PRIM2: variants seen among roughly 807,000 people sequenced by gnomAD.
PRIM2 encodes the protein DNA primase subunit 2, also known as DNA primase large subunit.
A neutral mutation model predicts 67.3 loss-of-function variants in PRIM2; 39 were observed. That is an observed-to-expected ratio of 0.58 (90% CI 0.45 to 0.76). The LOEUF is 0.76. PRIM2 is among the 30% of genes least tolerant of loss of function. The pLI, the probability that PRIM2 is intolerant of heterozygous loss-of-function variation, is 0.00. For missense variants in PRIM2, 398 were observed against 598.7 expected (o/e 0.66, Z 3.50); for synonymous variants, 143 against 198.7 (o/e 0.72, Z 2.36).
At chr6:57,322,918 C>T (rs112851694) in intron 3 of PRIM2, among the ~76,000 whole-genome samples, 64 of 152,242 alleles carry the variant, frequency 4.2e-4, no homozygotes, top group African/African-American at 1.5e-3. Context: ...CTGGTGAAGA[C>T]TGACGATTTT....
chr6:57,486,690 C>T (rs1183980608), intron 7 of PRIM2, among the ~76,000 whole-genome samples: 4 of 152,208 alleles, frequency 2.6e-5, no homozygotes, highest in African/African-American at 7.2e-5. Flanking sequence ...CTCAGCCAGT[C>T]ATATTTCGCA....
intron 7 of PRIM2, among the ~76,000 whole-genome samples, chr6:57,416,671 A>T (rs1771273795): frequency 6.6e-6 from 1 of 152,210 alleles, no homozygotes; most frequent in Non-Finnish European, 1.5e-5. Flanking sequence ...CAGCTTTTTC[A>T]TGATCTTAGC....
rs1266326081 is a variant in PRIM2, at chr6:57,635,880, T to G, written c.1299+3679T>G. On this transcript the variant is annotated intron_variant, in intron 13 of 13. Coordinates refer to ENST00000615550, the MANE Select transcript of PRIM2 (RefSeq NM_000947.5). ...ACAGCTGCTGGAGTGACCTTTAAAA[T>G]AGAGGAATCTGATCATTTCAGGAAC... 9.8e-5 allele frequency among the ~76,000 whole-genome samples: 15 copies of G among 152,326 alleles called. 1 individual carries two copies. Among genetic ancestry groups the G allele is most frequent in the Admixed American group, 5.9e-4 (9 of 15,298 alleles).
At chr6:57,407,718 T>G (rs1303995064) in intron 7 of PRIM2, among the ~76,000 whole-genome samples, 3 of 152,242 alleles carry the variant, frequency 2.0e-5, no homozygotes, top group Non-Finnish European at 4.4e-5. Context: ...TTCAATTTCA[T>G]GTGGCATTAA....
At chr6:57,240,096 T>TTTTTTTTG in the PRIM2 span, among the ~76,000 whole-genome samples, 3 of 8,386 alleles carry the variant, frequency 3.6e-4, no homozygotes, top group African/African-American at 7.0e-4. Context: ...AATCTGTTTT[T>TTTTTTTTG]TTTTTTTTTT....
chr6:57,362,222 C>T (rs1038750678), intron 5 of PRIM2, among the ~76,000 whole-genome samples: 10 of 152,112 alleles, frequency 6.6e-5, no homozygotes, highest in African/African-American at 2.4e-4. Flanking sequence ...AAAAAAATAG[C>T]TGGTATTCTA....
At chr6:57,636,715 T>TA (rs1242051109) in intron 13 of PRIM2, among the ~76,000 whole-genome samples, 33 of 152,030 alleles carry the variant, frequency 2.2e-4, no homozygotes, top group Middle Eastern at 3.4e-3. Context: ...TAGTGGTTAA[T>TA]AAAAAAAGAT....
the PRIM2 span, among the ~76,000 whole-genome samples, chr6:57,236,912 A>G: frequency 6.6e-6 from 1 of 152,072 alleles, no homozygotes; most frequent in Non-Finnish European, 1.5e-5. Context: ...ATGATTTATA[A>G]TCCTTTGGGT....
At chr6:57,324,626 A>C (rs1341949801) in intron 4 of PRIM2, among the ~76,000 whole-genome samples, 1 of 152,212 alleles carries the variant, frequency 6.6e-6, no homozygotes, top group Non-Finnish European at 1.5e-5. Context: ...CAATTAATGA[A>C]ACCCACACTT....
At chr6:57,344,608 TCAAATTA>T (rs1768608489) in intron 5 of PRIM2, among the ~76,000 whole-genome samples, 1 of 152,246 alleles carries the variant, frequency 6.6e-6, no homozygotes, top group African/African-American at 2.4e-5. Flanking sequence ...GTTTTTGGCA[TCAAATTA>T]TTATGGAAGC....
chr6:57,490,520 C>T (rs1275770937), intron 7 of PRIM2, among the ~76,000 whole-genome samples: 5 of 152,022 alleles, frequency 3.3e-5, no homozygotes, highest in South Asian at 2.1e-4. Flanking sequence ...GCAGAATTAT[C>T]GAACCGAGGG....
chr6:57,416,018 C>T (rs1285840916), intron 7 of PRIM2, among the ~76,000 whole-genome samples: 5 of 152,128 alleles, frequency 3.3e-5, no homozygotes, highest in Admixed American at 1.3e-4. Context: ...TTTCCTCTCC[C>T]GTGAATCACA....
the PRIM2 span, among the ~76,000 whole-genome samples, chr6:57,289,034 C>T: frequency 0.049 from 7,418 of 152,196 alleles, 228 homozygotes; most frequent in Non-Finnish European, 0.072. Flanking sequence ...TCTAACCCAT[C>T]TCAAGGAAGC....
At chr6:57,480,417 C>A (rs1413545454) in intron 7 of PRIM2, among the ~76,000 whole-genome samples, 1 of 148,652 alleles carries the variant, frequency 6.7e-6, no homozygotes, top group Non-Finnish European at 1.5e-5. Context: ...ATAAAAAAAA[C>A]TAGGAAATTA....
chr6:57,571,870 C>G (rs1167802052), intron 10 of PRIM2, among the ~76,000 whole-genome samples: 2 of 152,168 alleles, frequency 1.3e-5, no homozygotes, highest in Non-Finnish European at 2.9e-5. Flanking sequence ...TGCAAGGCAC[C>G]TGAATTGTTT....
intron 10 of PRIM2, among the ~76,000 whole-genome samples, chr6:57,589,617 GC>G (rs1776252724): frequency 6.6e-6 from 1 of 152,168 alleles, no homozygotes; most frequent in Non-Finnish European, 1.5e-5. Flanking sequence ...AGTGAAATAA[GC>G]AGACCGCTGT....
Position 57,646,411 on chromosome 6 carries a change from A to G in PRIM2, c.*253A>G, listed in dbSNP as rs1366593816. On this transcript the variant is annotated 3_prime_UTR_variant, in exon 14 of 14. Transcript: ENST00000615550. ...TTTTGTAGAGGTGGGGGGTCTCCCTATGTTGCCCAGGCAGATCTCAGACTC... is the reference window on the plus strand; with the variant it reads ...TTTTGTAGAGGTGGGGGGTCTCCCTGTGTTGCCCAGGCAGATCTCAGACTC... The G allele has an allele frequency of 3.3e-5, 13 of 395,976 alleles. No individual in the cohort carries two copies. The highest frequency in any genetic ancestry group is 2.6e-4 in the South Asian group (8 of 30,348). The allele number at this position is 395,976 out of a possible 1,614,324, so 24.5% of individuals were successfully genotyped here.
At chr6:57,246,956 G>A in the PRIM2 span, among the ~76,000 whole-genome samples, 1 of 151,816 alleles carries the variant, frequency 6.6e-6, no homozygotes, top group South Asian at 2.1e-4. Context: ...CTGGGTTCAC[G>A]CTATTCTCCT....
intron 5 of PRIM2, among the ~76,000 whole-genome samples, chr6:57,328,726 T>C (rs28800513): frequency 0.13 from 19,349 of 152,196 alleles, 1,388 homozygotes; most frequent in African/African-American, 0.18. Flanking sequence ...GTTTAAACTT[T>C]TGAGGAGCTA....
Sources: gnomAD v4.1 joint callset for allele counts (sites outside exome capture counted in the v4.1 genomes callset) on GRCh38, gnomAD v4.1.1 for gene constraint, MANE v1.5 for transcripts, NCBI Gene and HGNC (gene_info 2026-07-23, HGNC 2026-07-21) for gene names.